Variants in STK33 observed in about 807,000 individuals in gnomAD.
The protein encoded by STK33 is serine/threonine-protein kinase 33.
Under a neutral mutation model 58.0 loss-of-function variants are expected in STK33, and 52 were observed. The observed-to-expected ratio is 0.90, with a 90% confidence interval of 0.72 to 1.13. The LOEUF (loss-of-function observed/expected upper bound fraction) is 1.13. Ranked by LOEUF, STK33 falls within the 50% of genes most tolerant of loss-of-function variation. The pLI, the probability that STK33 is intolerant of heterozygous loss-of-function variation, is 0.00. For synonymous variants in STK33, 215 were observed against 200.1 expected, an observed-to-expected ratio of 1.07 and a Z score of -0.63; for missense variants, 630 against 604.2, an observed-to-expected ratio of 1.04 and a Z score of -0.45.
At chr11:8,496,117 A>G (rs766251001) in intron 1 of STK33, among the ~76,000 whole-genome samples, 10 of 150,074 alleles carry the variant, frequency 6.7e-5, no homozygotes, top group Non-Finnish European at 1.2e-4. Context: ...TTTTTGAAAA[A>G]GAAAAGAAAA....
At chr11:8,454,907 T>C (rs1323788374) in intron 9 of STK33, 75 bp from the exon 10 acceptor site, 3 of 1,350,316 alleles carry the variant, frequency 2.2e-6, no homozygotes, top group Non-Finnish European at 2.9e-6. Context: ...AGATTAAATA[T>C]ATTTGACAAA....
intron 12 of STK33, among the ~76,000 whole-genome samples, chr11:8,436,877 T>C (rs995381761): frequency 1.3e-5 from 2 of 152,138 alleles, no homozygotes; most frequent in East Asian, 1.9e-4. Flanking sequence ...TTTGTATTTT[T>C]AGTACAGACA....
intron 1 of STK33, among the ~76,000 whole-genome samples, chr11:8,498,437 G>C (rs1163789268): frequency 6.6e-6 from 1 of 152,190 alleles, no homozygotes; most frequent in Admixed American, 6.5e-5. Flanking sequence ...GGAAATAAGA[G>C]AGGACACAAA....
chr11:8,340,446 G>A, the STK33 span, among the ~76,000 whole-genome samples: 1 of 152,204 alleles, frequency 6.6e-6, no homozygotes, highest in Non-Finnish European at 1.5e-5. Flanking sequence ...GTGAACTCCT[G>A]GAGAACCCCT....
intron 14 of STK33, among the ~76,000 whole-genome samples, chr11:8,427,874 G>A (rs935972363): frequency 4.6e-5 from 7 of 151,988 alleles, no homozygotes; most frequent in Non-Finnish European, 2.9e-5. Context: ...TTAAATTCTA[G>A]GACTGTGTAT....
intron 1 of STK33, among the ~76,000 whole-genome samples, chr11:8,540,988 C>CTATA (rs1296572815): frequency 6.5e-5 from 9 of 138,240 alleles, no homozygotes; most frequent in African/African-American, 2.5e-4. Flanking sequence ...CTCTCTCTCT[C>CTATA]TCTCTCTATA....
chr11:8,348,111 C>T, the STK33 span, among the ~76,000 whole-genome samples: 6 of 152,180 alleles, frequency 3.9e-5, no homozygotes, highest in Admixed American at 3.9e-4. Context: ...CAGGGGGCAA[C>T]CAGGACTGCA....
At chr11:8,586,822 TAAAAAAAAAAAAAAAAAA>T in intron 1 of STK33, among the ~76,000 whole-genome samples, 1 of 78,236 alleles carries the variant, frequency 1.3e-5, no homozygotes, top group Admixed American at 1.6e-4. Flanking sequence ...AGACTCTGTC[TAAAAAAAAAAAAAAAAAA>T]AAAAAAAAAA....
intron 5 of STK33, among the ~76,000 whole-genome samples, chr11:8,473,746 A>G (rs1949003933): frequency 6.6e-6 from 1 of 152,230 alleles, no homozygotes; most frequent in African/African-American, 2.4e-5. Context: ...CAAATCAGAA[A>G]TAACAGTCAA....
At chr11:8,424,969 C>T (rs1213047300) in intron 14 of STK33, among the ~76,000 whole-genome samples, 1 of 134,094 alleles carries the variant, frequency 7.5e-6, no homozygotes, top group Non-Finnish European at 1.6e-5. Flanking sequence ...TCTTTTGCTG[C>T]CCAGAAGCTC....
At chr11:8,553,783 T>C (rs1028679796) in intron 1 of STK33, among the ~76,000 whole-genome samples, 4 of 152,100 alleles carry the variant, frequency 2.6e-5, no homozygotes, top group East Asian at 1.9e-4. Flanking sequence ...CTTTATCTCA[T>C]ACCATATATA....
In STK33 at chr11:8,434,027, A is replaced by T. The variant is rs1943736373; in HGVS notation, c.1146+1467T>A. ...ATGATGAGGCCAAGAGATCGAGACC[A>T]TCCTGGCCAATATGGTGAAATTCTG... On this transcript the variant is annotated intron_variant, in intron 14 of 15. Coordinates refer to ENST00000687296, the MANE Select transcript of STK33 (RefSeq NM_001352389.2). 1.3e-5 allele frequency: 2 copies of T among 153,482 alleles called. 1 individual carries two copies. The highest frequency in any genetic ancestry group is 4.8e-5 in the African/African-American group (2 of 41,414). 9.5% of individuals were successfully genotyped at this position (153,482 alleles called of 1,614,324 possible).
At chr11:8,497,210 C>A (rs1951128673) in intron 1 of STK33, among the ~76,000 whole-genome samples, 1 of 152,074 alleles carries the variant, frequency 6.6e-6, no homozygotes, top group Non-Finnish European at 1.5e-5. Context: ...CCAAAAATTT[C>A]TACATTTAGT....
intron 1 of STK33, among the ~76,000 whole-genome samples, chr11:8,487,667 T>C (rs556350348): frequency 2.6e-5 from 4 of 152,072 alleles, no homozygotes; most frequent in Admixed American, 6.5e-5. Flanking sequence ...GAAGGGAAGA[T>C]TGGTCAAAAG....
chr11:8,360,540 G>A, the STK33 span, among the ~76,000 whole-genome samples: 4 of 152,256 alleles, frequency 2.6e-5, no homozygotes, highest in African/African-American at 9.6e-5. Context: ...TCCACAGTCT[G>A]TAGGTCAGAA....
the STK33 span, among the ~76,000 whole-genome samples, chr11:8,384,667 G>A: frequency 4.6e-4 from 70 of 152,300 alleles, no homozygotes; most frequent in South Asian, 4.4e-3. Context: ...AAACGCTGAC[G>A]TATGCTGTCC....
At chr11:8,546,667 C>G (rs1208157387) in intron 1 of STK33, among the ~76,000 whole-genome samples, 1 of 151,846 alleles carries the variant, frequency 6.6e-6, no homozygotes, top group Non-Finnish European at 1.5e-5. Context: ...GTTCATCCCC[C>G]ACATGAGTGA....
At chr11:8,584,626 G>C (rs993962500) in intron 1 of STK33, among the ~76,000 whole-genome samples, 6 of 152,164 alleles carry the variant, frequency 3.9e-5, no homozygotes, top group African/African-American at 1.4e-4. Flanking sequence ...TAAACCTCTG[G>C]TTTAGGCGCC....
At chr11:8,505,544 C>A (rs1437691753) in intron 1 of STK33, among the ~76,000 whole-genome samples, 1 of 152,166 alleles carries the variant, frequency 6.6e-6, no homozygotes, top group Non-Finnish European at 1.5e-5. Flanking sequence ...ACCACCTCTT[C>A]CAAGAAGGCT....
Sources: gnomAD v4.1 joint callset for allele counts (sites outside exome capture counted in the v4.1 genomes callset) on GRCh38, gnomAD v4.1.1 for gene constraint, MANE v1.5 for transcripts, NCBI Gene and HGNC (gene_info 2026-07-23, HGNC 2026-07-21) for gene names.